BRAF: variants seen among roughly 807,000 people sequenced by gnomAD.
The protein encoded by BRAF is B-Raf proto-oncogene, serine/threonine kinase.
BRAF carries 16 observed loss-of-function variants against 104.6 expected under a neutral mutation model. The observed-to-expected ratio is 0.15, with a 90% CI of 0.10 to 0.23. The LOEUF is 0.23. Ranked by LOEUF, BRAF falls within the 10% of genes least tolerant of loss-of-function variation. BRAF has a pLI of 1.00. For missense variants in BRAF, 541 were observed against 937.3 expected, an observed-to-expected ratio of 0.58 and a Z score of 5.52; for synonymous variants, 310 against 341.6, an observed-to-expected ratio of 0.91 and a Z score of 1.02.
chr7:140,923,366 T>C (rs909966810), intron 1 of BRAF, among the ~76,000 whole-genome samples: 2 of 152,180 alleles, frequency 1.3e-5, no homozygotes, highest in African/African-American at 4.8e-5. Context: ...CATAATAAAG[T>C]ATTATTTTCT....
intron 4 of BRAF, among the ~76,000 whole-genome samples, chr7:140,808,625 A>T (rs1803905697): frequency 6.6e-6 from 1 of 152,128 alleles, no homozygotes; most frequent in Non-Finnish European, 1.5e-5. Flanking sequence ...CAAATAAATC[A>T]CACTCTGAAT....
chr7:140,843,979 C>T (rs976970740), intron 2 of BRAF, among the ~76,000 whole-genome samples: 2 of 151,850 alleles, frequency 1.3e-5, no homozygotes, highest in Admixed American at 6.6e-5. Flanking sequence ...ACTGCACTCC[C>T]GCCTGGGTGA....
chr7:140,844,919 C>CA lies in BRAF; in HGVS notation c.240+5191dup, dbSNP rs527468584. ...TGGGTGACAAAGTGAGACTCCATCT[C>CA]AAAAAAAAAAAAGGAATCTCAAGGG... On this transcript the variant is annotated intron_variant, in intron 2 of 19. Transcript: ENST00000644969. Among the ~76,000 whole-genome samples, 1,087 of 130,072 alleles carry CA rather than the reference C, an allele frequency of 8.4e-3. 9 individuals carry two copies. The highest frequency in any genetic ancestry group is 0.024 in the Middle Eastern group (6 of 250). The allele number at this position is 130,072 out of a possible 152,430, so 85.3% of individuals were successfully genotyped here.
chr7:140,763,295 C>G (rs1483737325), intron 14 of BRAF, among the ~76,000 whole-genome samples: 4 of 148,970 alleles, frequency 2.7e-5, no homozygotes, highest in Admixed American at 1.3e-4. Context: ...GCTGACCCCC[C>G]CCACCTCCCT....
At chr7:140,875,047 T>G (rs975885568) in intron 1 of BRAF, among the ~76,000 whole-genome samples, 4 of 152,172 alleles carry the variant, frequency 2.6e-5, no homozygotes, top group African/African-American at 7.2e-5. Flanking sequence ...ATGTTTCCCG[T>G]ACAGTCCGCA....
chr7:140,824,893 T>C (rs962313284), intron 3 of BRAF, among the ~76,000 whole-genome samples: 1 of 152,114 alleles, frequency 6.6e-6, no homozygotes, highest in Non-Finnish European at 1.5e-5. Flanking sequence ...TTGAGCGTCT[T>C]CTCATGCGTT....
intron 1 of BRAF, among the ~76,000 whole-genome samples, chr7:140,889,291 A>G (rs1813943758): frequency 6.6e-6 from 1 of 152,208 alleles, no homozygotes; most frequent in African/African-American, 2.4e-5. Flanking sequence ...ATAATAACGA[A>G]CCTTGGCCTA....
At chr7:140,798,316 G>A (rs1802708728) in intron 7 of BRAF, among the ~76,000 whole-genome samples, 1 of 112,020 alleles carries the variant, frequency 8.9e-6, no homozygotes, top group Non-Finnish European at 1.6e-5. Flanking sequence ...AGGCTGGAAT[G>A]CAGTGACGTG....
chr7:140,902,047 T>C (rs7783258), intron 1 of BRAF, among the ~76,000 whole-genome samples: 1,718 of 152,346 alleles, frequency 0.011, 20 homozygotes, highest in African/African-American at 0.027. Flanking sequence ...CTTCATCATA[T>C]TGTGCTTTGC....
chr7:140,875,118 A>C (rs1812071938), intron 1 of BRAF, among the ~76,000 whole-genome samples: 2 of 152,228 alleles, frequency 1.3e-5, no homozygotes, highest in Non-Finnish European at 2.9e-5. Flanking sequence ...GCATTTCTTT[A>C]TAGCAATTCA....
intron 16 of BRAF, 38 bp downstream of exon 15, chr7:140,753,237 A>G (rs1421416653): frequency 6.5e-7 from 1 of 1,527,196 alleles, no homozygotes; most frequent in Admixed American, 1.7e-5. Flanking sequence ...TCTCAGGGCC[A>G]AAAATTTAAT....
intron 14 of BRAF, among the ~76,000 whole-genome samples, chr7:140,764,013 G>A (rs7357143): frequency 0.012 from 1,887 of 152,180 alleles, 35 homozygotes; most frequent in African/African-American, 0.041. Flanking sequence ...ATTTTAGACC[G>A]ATATCCTTGA....
At position 140,781,871 on chromosome 7, in the gene BRAF, A is replaced by T. The variant is rs538570036; in HGVS notation, c.1435-178T>A. ...CTCTTAAAATACAAAACTTAAATTT[A>T]AGACTGAAGTCAATATTAGGATGGA... On this transcript the variant is annotated intron_variant, in intron 11 of 19. Coordinates refer to ENST00000644969, the MANE Select transcript of BRAF (RefSeq NM_001374258.1). Among the ~76,000 whole-genome samples, 6 of 152,344 alleles carry T rather than the reference A, an allele frequency of 3.9e-5. No homozygotes were observed. The East Asian group carries it at 1.2e-3, about 29-fold the overall frequency.
At chr7:140,833,857 C>T (rs1807044771) in intron 3 of BRAF, 1 of 151,688 alleles carries the variant, frequency 6.6e-6, no homozygotes, top group African/African-American at 2.4e-5. Flanking sequence ...TAAAATGCCT[C>T]TATAATAACA....
At chr7:140,823,085 A>G (rs1294908682) in intron 3 of BRAF, among the ~76,000 whole-genome samples, 4 of 152,100 alleles carry the variant, frequency 2.6e-5, no homozygotes, top group African/African-American at 9.7e-5. Flanking sequence ...TGACTTCCCA[A>G]AGCACTGAGA....
At chr7:140,738,249 G>C (rs1796605587) in intron 18 of BRAF, among the ~76,000 whole-genome samples, 1 of 152,054 alleles carries the variant, frequency 6.6e-6, no homozygotes, top group Admixed American at 6.5e-5. Flanking sequence ...TCTTTTCTTA[G>C]GCAACACCCT....
At chr7:140,853,565 T>C (rs549409692) in intron 1 of BRAF, among the ~76,000 whole-genome samples, 2 of 152,340 alleles carry the variant, frequency 1.3e-5, no homozygotes, top group Admixed American at 1.3e-4. Flanking sequence ...ATACTCCCAG[T>C]GCAGGACTTG....
rs551813157 is a variant in BRAF, at chr7:140,869,609, G to T, written c.139-19397C>A. The stretch of plus-strand genomic sequence containing the variant: ...AATCACGCCACTGCACTCCAGTCTG[G>T]GCAGCAGACTGAGACTCTGTCTCAA... On this transcript the variant is annotated intron_variant, in intron 1 of 19. Coordinates refer to ENST00000644969, the MANE Select transcript of BRAF (RefSeq NM_001374258.1). 6.6e-5 allele frequency among the ~76,000 whole-genome samples: 10 copies of T among 151,440 alleles called. No individual in the cohort carries two copies. The South Asian group carries it at 1.0e-3, about 16-fold the overall frequency.
chr7:140,749,233 TG>T, intron 17 of BRAF, 53 bp downstream of exon 16: 1 of 1,606,010 alleles, frequency 6.2e-7, no homozygotes, highest in Non-Finnish European at 8.5e-7. Context: ...TTTCTACAAC[TG>T]GAGCCTTGTA....
Sources: allele counts gnomAD v4.1 joint callset (sites outside exome capture counted in the v4.1 genomes callset), GRCh38; gene constraint gnomAD v4.1.1; transcripts MANE v1.5; gene names NCBI Gene and HGNC (gene_info 2026-07-23, HGNC 2026-07-21).